SLC24A2: variants seen among roughly 807,000 people sequenced by gnomAD.
SLC24A2 encodes sodium/potassium/calcium exchanger 2.
A neutral mutation model predicts 62.0 loss-of-function variants in SLC24A2; 36 were observed. That is an observed-to-expected ratio of 0.58 (90% CI 0.44 to 0.77). SLC24A2 has a LOEUF of 0.77. Among genes scored for constraint, SLC24A2 ranks in the 30% least tolerant of loss-of-function variants. The pLI, the probability that SLC24A2 is intolerant of heterozygous loss-of-function variation, is 0.00. For synonymous variants in SLC24A2, 358 were observed against 294.0 expected (o/e 1.22, Z -2.23); for missense variants, 846 against 817.9 (o/e 1.03, Z -0.42).
chr9:19,573,907 C>A (rs1416310347), intron 6 of SLC24A2, among the ~76,000 whole-genome samples: 2 of 152,222 alleles, frequency 1.3e-5, no homozygotes, highest in African/African-American at 4.8e-5. Flanking sequence ...TTGTTTACAC[C>A]CTGGACTGTA....
At chr9:20,252,608 G>A in the SLC24A2 span, among the ~76,000 whole-genome samples, 1 of 152,216 alleles carries the variant, frequency 6.6e-6, no homozygotes, top group Non-Finnish European at 1.5e-5. Context: ...GCAAGGTGGA[G>A]TTGTCTTCAT....
rs1818200892 is a variant in SLC24A2 at position 19,632,342 on chromosome 9, T to C, written c.931-10043A>G. Among the ~76,000 whole-genome samples the C allele has an allele frequency of 6.6e-6, 1 of 152,202 alleles. No homozygotes were observed. The highest frequency in any genetic ancestry group is 1.5e-5 in the Non-Finnish European group (1 of 68,044). ...ATCCTCCTTCACGGCATTTAAAAAA[T>C]CACCCATTCATTCTTCATCACATGT... On this transcript the variant is annotated intron_variant, in intron 2 of 10. Coordinates refer to ENST00000341998, the MANE Select transcript of SLC24A2 (RefSeq NM_020344.4). The surrounding 1 kb of genome is among the most constrained non-coding windows in gnomAD (Gnocchi z 4.5).
chr9:20,213,960 T>C, the SLC24A2 span, among the ~76,000 whole-genome samples: 3 of 152,236 alleles, frequency 2.0e-5, no homozygotes, highest in Non-Finnish European at 4.4e-5. Flanking sequence ...CATCATGCAG[T>C]ATTTGTTTTT....
the SLC24A2 span, chr9:19,926,909 A>AGAG: frequency 1.3e-5 from 2 of 152,758 alleles, no homozygotes; most frequent in African/African-American, 2.4e-5. Flanking sequence ...AGCGGTGAGC[A>AGAG]GAGGAGGAGG....
the SLC24A2 span, among the ~76,000 whole-genome samples, chr9:20,003,773 C>T: frequency 6.6e-6 from 1 of 151,816 alleles, no homozygotes; most frequent in Non-Finnish European, 1.5e-5. Context: ...TCCAATAAAA[C>T]TTTATTTATA....
chr9:20,018,944 A>G, the SLC24A2 span, among the ~76,000 whole-genome samples: 17 of 152,026 alleles, frequency 1.1e-4, no homozygotes, highest in Non-Finnish European at 2.4e-4. Context: ...TGCACCTGTC[A>G]TCTCAGCTCC....
chr9:19,611,726 A>G (rs1289643005), intron 4 of SLC24A2, among the ~76,000 whole-genome samples: 1 of 152,148 alleles, frequency 6.6e-6, no homozygotes, highest in East Asian at 1.9e-4. Flanking sequence ...GAAAGAGGGA[A>G]AAGGGGAACT....
At chr9:20,223,633 T>C in the SLC24A2 span, among the ~76,000 whole-genome samples, 2 of 152,118 alleles carry the variant, frequency 1.3e-5, no homozygotes, top group Non-Finnish European at 2.9e-5. Context: ...AATAGACAAA[T>C]ACATCAATGG....
the SLC24A2 span, among the ~76,000 whole-genome samples, chr9:20,016,928 T>G: frequency 6.6e-6 from 1 of 152,232 alleles, no homozygotes; most frequent in Non-Finnish European, 1.5e-5. Flanking sequence ...AATATGCATT[T>G]AAGGAAACAA....
chr9:20,031,142 A>G, the SLC24A2 span, among the ~76,000 whole-genome samples: 3 of 151,742 alleles, frequency 2.0e-5, no homozygotes, highest in South Asian at 6.2e-4. Flanking sequence ...ACACATATAT[A>G]TGTATACACA....
the SLC24A2 span, among the ~76,000 whole-genome samples, chr9:20,292,781 G>A: frequency 1.3e-5 from 2 of 152,066 alleles, no homozygotes; most frequent in Non-Finnish European, 2.9e-5. Context: ...GTAGAGATGG[G>A]GTCTCCCCAC....
the SLC24A2 span, among the ~76,000 whole-genome samples, chr9:19,827,245 T>A: frequency 2.0e-5 from 3 of 152,196 alleles, no homozygotes; most frequent in Non-Finnish European, 4.4e-5. Context: ...CTTGATGAGA[T>A]AAGTATATGA....
chr9:19,852,229 C>A, the SLC24A2 span, among the ~76,000 whole-genome samples: 5 of 152,050 alleles, frequency 3.3e-5, no homozygotes, highest in Non-Finnish European at 7.4e-5. Context: ...GATATCAGAC[C>A]TCTGTCAGAT....
the SLC24A2 span, among the ~76,000 whole-genome samples, chr9:20,303,225 A>G: frequency 6.6e-6 from 1 of 152,046 alleles, no homozygotes; most frequent in East Asian, 1.9e-4. Context: ...CATTCCATTT[A>G]CATTAAAAAA....
intron 2 of SLC24A2, among the ~76,000 whole-genome samples, chr9:19,774,730 C>A (rs535069121): frequency 6.6e-6 from 1 of 152,176 alleles, no homozygotes; most frequent in Non-Finnish European, 1.5e-5. Flanking sequence ...AGCAGAAACT[C>A]ATCTGGCCCT....
In SLC24A2 at chr9:19,513,010, T is replaced by G. The variant is rs2132610265; in HGVS notation, c.*3143A>C. On this transcript the variant is annotated 3_prime_UTR_variant, in exon 11 of 11. Transcript: ENST00000341998. ...AACCTTATGAAATCAGGAAGAAATG[T>G]TCCCTTTGGTTTGTGTGCATGACTT... 6.6e-6 allele frequency: 1 copy of G among 151,932 alleles called. No homozygotes were observed. Among genetic ancestry groups the G allele is most frequent in the South Asian group, 2.1e-4 (1 of 4,802 alleles). The allele number at this position is 151,932 out of a possible 1,614,324, so 9.4% of individuals were successfully genotyped here.
At chr9:19,871,439 A>G in the SLC24A2 span, among the ~76,000 whole-genome samples, 1 of 152,216 alleles carries the variant, frequency 6.6e-6, no homozygotes, top group African/African-American at 2.4e-5. Flanking sequence ...TCTGTTCTTC[A>G]AATGGGATAC....
At chr9:20,135,574 G>A in the SLC24A2 span, among the ~76,000 whole-genome samples, 23 of 152,092 alleles carry the variant, frequency 1.5e-4, no homozygotes, top group Admixed American at 3.9e-4. Flanking sequence ...GATAACATAC[G>A]TAGAGTTTAT....
the SLC24A2 span, among the ~76,000 whole-genome samples, chr9:20,044,116 CT>C: frequency 1.0e-4 from 15 of 149,666 alleles, no homozygotes; most frequent in East Asian, 7.8e-4. Flanking sequence ...ATCACTAGCA[CT>C]TTTTTTTTTA....
Sources: allele counts gnomAD v4.1 joint callset (sites outside exome capture counted in the v4.1 genomes callset), GRCh38; gene constraint gnomAD v4.1.1; non-coding constraint Gnocchi (gnomAD v3.1); transcripts MANE v1.5; gene names NCBI Gene and HGNC (gene_info 2026-07-23, HGNC 2026-07-21).